Variants in TGFBR3 observed in about 807,000 individuals in gnomAD.
TGFBR3 encodes transforming growth factor beta receptor type 3.
TGFBR3 carries 46 observed loss-of-function variants against 87.9 expected under a neutral mutation model. That is an observed-to-expected ratio of 0.52 (90% CI 0.41 to 0.67). The LOEUF is 0.67. Ranked by LOEUF, TGFBR3 falls within the 30% of genes least tolerant of loss-of-function variation. The pLI is 0.00. For missense variants in TGFBR3, 866 were observed against 1,041.9 expected (o/e 0.83, Z 2.32); for synonymous variants, 381 against 391.6 (o/e 0.97, Z 0.32).
chr1:91,772,165 G>C (rs1313231491), intron 3 of TGFBR3, among the ~76,000 whole-genome samples: 1 of 152,166 alleles, frequency 6.6e-6, no homozygotes, highest in Admixed American at 6.5e-5. Context: ...GCTTTTCAGA[G>C]ACATAGACCC....
intron 6 of TGFBR3, among the ~76,000 whole-genome samples, chr1:91,729,285 TACACACACAC>T (rs72204982): frequency 2.0e-4 from 29 of 143,166 alleles, no homozygotes; most frequent in African/African-American, 2.6e-4. Flanking sequence ...TGCATGCGCA[TACACACACAC>T]ACACACACAC....
At chr1:91,898,097 GAAAA>G (rs1679590270) in intron 2 of TGFBR3, among the ~76,000 whole-genome samples, 1 of 150,790 alleles carries the variant, frequency 6.6e-6, no homozygotes, top group African/African-American at 2.4e-5. Context: ...GAAAGTACAG[GAAAA>G]AAAGAAAAAA....
chr1:91,867,861 T>C (rs1342593613), intron 1 of TGFBR3, among the ~76,000 whole-genome samples: 4 of 152,202 alleles, frequency 2.6e-5, no homozygotes, highest in Non-Finnish European at 4.4e-5. Context: ...GATTATAATA[T>C]AAGACAGAAT....
intron 2 of TGFBR3, among the ~76,000 whole-genome samples, chr1:91,838,690 TG>T (rs1335016576): frequency 6.6e-6 from 1 of 151,660 alleles, no homozygotes; most frequent in Non-Finnish European, 1.5e-5. Context: ...AGGATGGTCT[TG>T]ATCTCCTGAC....
rs150332435 is a variant in TGFBR3 at position 91,700,324 on chromosome 1, C to T, written c.2288-2194G>A. Among the ~76,000 whole-genome samples the T allele has an allele frequency of 5.5e-3, 835 of 152,270 alleles. 3 individuals are homozygous for T. Among genetic ancestry groups the T allele is most frequent in the Non-Finnish European group, 9.9e-3 (673 of 68,018 alleles). On this transcript the variant is annotated intron_variant, in intron 14 of 16. Coordinates refer to ENST00000212355, the MANE Select transcript of TGFBR3 (RefSeq NM_003243.5). ...CCTTATGTCTGAATTCACAGGGAAG[C>T]AAAAAGAACTTGGGAAAATGTGACC...
intron 2 of TGFBR3, among the ~76,000 whole-genome samples, chr1:91,839,676 T>C (rs1257151799): frequency 1.3e-5 from 2 of 152,104 alleles, no homozygotes; most frequent in East Asian, 3.9e-4. Flanking sequence ...AGGGACATTC[T>C]CCAGTAGTTC....
intron 1 of TGFBR3, among the ~76,000 whole-genome samples, chr1:91,879,909 G>T (rs1267019415): frequency 7.1e-6 from 1 of 141,030 alleles, no homozygotes; most frequent in Admixed American, 7.1e-5. Context: ...TTCTTGTAAG[G>T]CCCTTCCAAG....
chr1:91,758,485 A>C (rs1673828549), intron 4 of TGFBR3, 128 bp downstream of exon 4: 1 of 1,186,074 alleles, frequency 8.4e-7, no homozygotes, highest in Admixed American at 1.8e-5. Context: ...TGCATCCTCC[A>C]AATTTAACAC....
intron 2 of TGFBR3, among the ~76,000 whole-genome samples, chr1:91,851,029 T>C (rs966246367): frequency 1.3e-5 from 2 of 152,236 alleles, no homozygotes; most frequent in African/African-American, 4.8e-5. Context: ...CCTTTTCCTT[T>C]TGCCATATAT....
intron 14 of TGFBR3, among the ~76,000 whole-genome samples, chr1:91,701,170 C>A (rs1460750364): frequency 6.6e-6 from 1 of 152,056 alleles, no homozygotes; most frequent in Non-Finnish European, 1.5e-5. Context: ...CCTTTACCCC[C>A]ACCCCAAATA....
intron 2 of TGFBR3, among the ~76,000 whole-genome samples, chr1:91,842,999 A>C (rs561319751): frequency 6.6e-6 from 1 of 152,314 alleles, no homozygotes; most frequent in Admixed American, 6.5e-5. Context: ...TACTGCTCTA[A>C]GTAAAACTTA....
intron 3 of TGFBR3, among the ~76,000 whole-genome samples, chr1:91,796,781 A>G (rs1675397527): frequency 6.6e-6 from 1 of 152,168 alleles, no homozygotes; most frequent in Non-Finnish European, 1.5e-5. Flanking sequence ...TGCAATGGCA[A>G]TCACGGCTCA....
At chr1:91,690,097 GGAAAAA>G in intron 16 of TGFBR3, among the ~76,000 whole-genome samples, 1 of 152,210 alleles carries the variant, frequency 6.6e-6, no homozygotes, top group Admixed American at 6.5e-5. Context: ...GCCAACAGTG[GGAAAAA>G]CTGAGAAACA....
At chr1:91,822,787 G>A (rs1268991789) in intron 2 of TGFBR3, among the ~76,000 whole-genome samples, 2 of 152,010 alleles carry the variant, frequency 1.3e-5, no homozygotes, top group East Asian at 1.9e-4. Context: ...ATTGGCCAGC[G>A]TGGTGGCACG....
Position 91,729,826 on chromosome 1 carries a change from G to T in TGFBR3, c.716C>A (p.Thr239Asn). 2 of 1,614,152 alleles carry T rather than the reference G, an allele frequency of 1.2e-6. No individual in the cohort carries two copies. Among genetic ancestry groups the T allele is most frequent in the Non-Finnish European group, 1.7e-6 (2 of 1,180,022 alleles). ...NEEVHIIELI[T>N]PNSNPYSAFQ... ...TTACCTGTAGGGGTTAGAGTTGGGGGTGATTAGCTCGATGATGTGTACTTC... is the reference window on the plus strand; with the variant it reads ...TTACCTGTAGGGGTTAGAGTTGGGGTTGATTAGCTCGATGATGTGTACTTC... The change falls in exon 6 of 17, where the codon ACC (threonine) becomes AAC (asparagine). Residue 239 changes from threonine (T) to asparagine (N), a missense_variant. Transcript: ENST00000212355.
At chr1:91,787,956 A>AAAAAAAAAAAAC (rs906528422) in intron 3 of TGFBR3, among the ~76,000 whole-genome samples, 4 of 150,064 alleles carry the variant, frequency 2.7e-5, no homozygotes, top group South Asian at 2.1e-4. Flanking sequence ...AAAAAAAAAA[A>AAAAAAAAAAAAC]CCCCAAGAAG....
chr1:91,719,292 T>C lies in TGFBR3; in HGVS notation c.1566+20A>G, dbSNP rs970287386. Reference sequence around the variant, plus strand: ...CCAGGCTCTGGCAAAGGGCAAAGCTTTGTTCTGGAAAACACTCACGGAGTT... The same window carrying C: ...CCAGGCTCTGGCAAAGGGCAAAGCTCTGTTCTGGAAAACACTCACGGAGTT... On this transcript the variant is annotated intron_variant, in intron 10 of 16. Coordinates refer to ENST00000212355, the MANE Select transcript of TGFBR3 (RefSeq NM_003243.5). 3.1e-6 allele frequency: 5 copies of C among 1,614,010 alleles called. No homozygotes were observed.
chr1:91,902,905 G>T (rs990413709), intron 1 of TGFBR3, among the ~76,000 whole-genome samples: 1 of 151,850 alleles, frequency 6.6e-6, no homozygotes. Context: ...TGCCTGCAAT[G>T]CTGAGGATCT....
intron 2 of TGFBR3, among the ~76,000 whole-genome samples, chr1:91,843,536 T>G (rs1328299018): frequency 1.3e-5 from 2 of 152,216 alleles, no homozygotes; most frequent in Non-Finnish European, 2.9e-5. Context: ...CCAAACTAGG[T>G]AAGTACTATG....
Sources: allele counts gnomAD v4.1 joint callset (sites outside exome capture counted in the v4.1 genomes callset), GRCh38; gene constraint gnomAD v4.1.1; transcripts MANE v1.5; gene names NCBI Gene and HGNC (gene_info 2026-07-23, HGNC 2026-07-21).